LY96: variants seen among roughly 807,000 people sequenced by gnomAD.
LY96 encodes lymphocyte antigen 96.
In LY96, 18 loss-of-function variants were observed where a neutral mutation model predicts 18.9. The ratio of observed to expected loss-of-function variants is 0.95; its 90% CI spans 0.66 to 1.41. LY96 has a LOEUF of 1.41. Ranked by LOEUF, LY96 falls within the 40% of genes most tolerant of loss-of-function variation. The probability of loss-of-function intolerance (pLI) is 0.00; values close to 1 mark genes in which losing one functional copy is unlikely to be tolerated. For missense variants in LY96, 175 were observed against 182.4 expected (o/e 0.96, Z 0.23); for synonymous variants, 66 against 62.6 (o/e 1.06, Z -0.26).
downstream of LY96, among the ~76,000 whole-genome samples, chr8:74,030,581 T>G (rs1056953142): frequency 2.0e-5 from 3 of 152,172 alleles, no homozygotes; most frequent in African/African-American, 7.2e-5. Flanking sequence ...GAAAGCTGTT[T>G]CTCTTTCTCT....
the LY96 span, among the ~76,000 whole-genome samples, chr8:74,093,574 C>T: frequency 3.9e-5 from 6 of 152,080 alleles, no homozygotes; most frequent in Non-Finnish European, 8.8e-5. Flanking sequence ...TTTCCAGGAT[C>T]GGAGGTGGTG....
At chr8:74,077,798 A>G in the LY96 span, among the ~76,000 whole-genome samples, 2 of 152,104 alleles carry the variant, frequency 1.3e-5, no homozygotes, top group African/African-American at 4.8e-5. Context: ...ATTTAAGATA[A>G]TACCTCATTG....
At chr8:73,999,353 C>G (rs1586646947) in intron 1 of LY96, among the ~76,000 whole-genome samples, 2 of 152,210 alleles carry the variant, frequency 1.3e-5, no homozygotes, top group East Asian at 3.9e-4. Flanking sequence ...GCTGTCTTGA[C>G]CTTCTGGGCT....
chr8:74,036,777 C>G, the LY96 span, among the ~76,000 whole-genome samples: 2 of 152,144 alleles, frequency 1.3e-5, no homozygotes, highest in African/African-American at 2.4e-5. Context: ...CAAGAAGAAC[C>G]CATCAGGCAA....
Position 74,003,924 on chromosome 8 carries a change from C to T in LY96, c.113-872C>T, listed in dbSNP as rs74357432. ...CTGGGGTCCTCTACCAACTCTTTCT[C>T]ACTTCAGGGAGATGCAGGCAGCTGT... On this transcript the variant is annotated intron_variant, in intron 1 of 4. Coordinates refer to ENST00000284818, the MANE Select transcript of LY96 (RefSeq NM_015364.5). Among the ~76,000 whole-genome samples, 6 of 152,268 alleles carry T rather than the reference C, an allele frequency of 3.9e-5. No individual in the cohort carries two copies. In the East Asian group the frequency reaches 1.2e-3, roughly 29 times the overall value.
the LY96 span, among the ~76,000 whole-genome samples, chr8:74,077,841 C>T: frequency 8.7e-4 from 133 of 152,030 alleles, no homozygotes; most frequent in Non-Finnish European, 1.5e-3. Context: ...GGTGTGGTGG[C>T]TTATGTCTGT....
chr8:74,040,276 T>C, the LY96 span, among the ~76,000 whole-genome samples: 1 of 152,264 alleles, frequency 6.6e-6, no homozygotes, highest in Non-Finnish European at 1.5e-5. Flanking sequence ...AACTATTTTC[T>C]TTATTATACT....
the LY96 span, among the ~76,000 whole-genome samples, chr8:74,049,166 A>G: frequency 6.6e-6 from 1 of 152,186 alleles, no homozygotes; most frequent in African/African-American, 2.4e-5. Context: ...GTTTTTGCCC[A>G]CCATTGTATC....
chr8:73,995,906 A>T (rs2131251351), intron 1 of LY96, among the ~76,000 whole-genome samples: 1 of 152,290 alleles, frequency 6.6e-6, no homozygotes, highest in East Asian at 1.9e-4. Context: ...AGCATGTCAG[A>T]TGGTGGTAAT....
At chr8:74,011,731 C>T (rs191544671) in intron 3 of LY96, among the ~76,000 whole-genome samples, 12 of 152,004 alleles carry the variant, frequency 7.9e-5, no homozygotes, top group African/African-American at 2.2e-4. Context: ...TGGTGGCATG[C>T]GCCTGTAGTC....
At chr8:74,051,325 G>C in the LY96 span, among the ~76,000 whole-genome samples, 2 of 152,166 alleles carry the variant, frequency 1.3e-5, no homozygotes, top group Non-Finnish European at 2.9e-5. Context: ...CCAAGGATTA[G>C]TGCTTGAGAA....
chr8:74,063,312 T>G, the LY96 span, among the ~76,000 whole-genome samples: 1 of 152,210 alleles, frequency 6.6e-6, no homozygotes, highest in Non-Finnish European at 1.5e-5. Context: ...TCCATCTTAT[T>G]CTACTTGTTC....
intron 1 of LY96, among the ~76,000 whole-genome samples, chr8:73,994,971 C>A (rs1816092294): frequency 1.3e-5 from 2 of 152,158 alleles, no homozygotes; most frequent in African/African-American, 2.4e-5. Flanking sequence ...TGTGTCCTTG[C>A]AAACTCATGT....
intron 1 of LY96, among the ~76,000 whole-genome samples, chr8:73,996,385 C>CTTTCTTTCTTTCT (rs1816141402): frequency 2.4e-5 from 1 of 41,254 alleles, no homozygotes; most frequent in East Asian, 4.9e-4. Flanking sequence ...TTCTTTCTTT[C>CTTTCTTTCTTTCT]TTTCTTTCTT....
intron 3 of LY96, among the ~76,000 whole-genome samples, chr8:74,013,838 A>G (rs534544920): frequency 3.4e-4 from 52 of 152,230 alleles, no homozygotes; most frequent in Middle Eastern, 3.4e-3. Flanking sequence ...ATGAGCCTAG[A>G]AAAGGGGGCA....
chr8:73,996,911 A>T (rs1486519372), intron 1 of LY96, among the ~76,000 whole-genome samples: 5 of 137,812 alleles, frequency 3.6e-5, no homozygotes, highest in Non-Finnish European at 7.8e-5. Context: ...CACCCGGCTA[A>T]TTTTTGTGTT....
intron 1 of LY96, among the ~76,000 whole-genome samples, chr8:73,992,201 G>A (rs891952076): frequency 2.0e-5 from 3 of 152,100 alleles, no homozygotes; most frequent in Non-Finnish European, 4.4e-5. Context: ...TTCACTGGCT[G>A]TGTCACTGTC....
At chr8:74,097,849 G>A in the LY96 span, among the ~76,000 whole-genome samples, 1 of 152,200 alleles carries the variant, frequency 6.6e-6, no homozygotes, top group Non-Finnish European at 1.5e-5. Context: ...TAGAAATGCA[G>A]ACTCTCAGAC....
the LY96 span, among the ~76,000 whole-genome samples, chr8:74,056,833 A>T: frequency 1.5e-4 from 23 of 152,302 alleles, no homozygotes; most frequent in South Asian, 4.1e-4. Flanking sequence ...CAGGTGGACA[A>T]CTTGATTTTG....
Sources: allele counts gnomAD v4.1 joint callset (sites outside exome capture counted in the v4.1 genomes callset), GRCh38; gene constraint gnomAD v4.1.1; transcripts MANE v1.5; gene names NCBI Gene and HGNC (gene_info 2026-07-23, HGNC 2026-07-21).